DRC11: variants seen among roughly 807,000 people sequenced by gnomAD.
DRC11 encodes the protein dynein regulatory complex subunit 11.
the DRC11 span, among the ~76,000 whole-genome samples, chr2:236,326,336 T>C: frequency 6.6e-6 from 1 of 152,238 alleles, no homozygotes. Context: ...CTTCCATTAA[T>C]GAAGGTCAGT....
the DRC11 span, among the ~76,000 whole-genome samples, chr2:236,493,288 T>C: frequency 6.6e-6 from 1 of 152,168 alleles, no homozygotes; most frequent in Non-Finnish European, 1.5e-5. Flanking sequence ...CACATGGGAA[T>C]TGTGGGAGCT....
chr2:236,490,255 A>C, the DRC11 span, among the ~76,000 whole-genome samples: 2 of 152,236 alleles, frequency 1.3e-5, no homozygotes, highest in East Asian at 1.9e-4. The surrounding 1 kb of genome is among the most constrained non-coding windows in gnomAD (Gnocchi z 5.5). Context: ...TGACCACTTA[A>C]GAGTGAAGAC....
At chr2:236,486,075 C>T in the DRC11 span, among the ~76,000 whole-genome samples, 1 of 152,244 alleles carries the variant, frequency 6.6e-6, no homozygotes, top group East Asian at 1.9e-4. This position sits in a 1 kb window ranked among gnomAD's most constrained non-coding sequence, Gnocchi z 5.7. Flanking sequence ...CAGCCCCCCT[C>T]TCCCTGCTGG....
the DRC11 span, among the ~76,000 whole-genome samples, chr2:236,319,038 G>T: frequency 1.3e-5 from 2 of 152,194 alleles, no homozygotes; most frequent in Non-Finnish European, 2.9e-5. The surrounding 1 kb of genome is among the most constrained non-coding windows in gnomAD (Gnocchi z 6.7). Context: ...TGAGAAGAAG[G>T]GTAGTGGGAG....
the DRC11 span, chr2:236,408,936 C>A: frequency 1.5e-6 from 1 of 685,046 alleles, no homozygotes; most frequent in Non-Finnish European, 2.7e-6. The surrounding 1 kb of genome is among the most constrained non-coding windows in gnomAD (Gnocchi z 5.5). Context: ...AACCTTGTAT[C>A]CCAGGAAGGC....
At chr2:236,489,764 A>AT in the DRC11 span, among the ~76,000 whole-genome samples, 1 of 151,972 alleles carries the variant, frequency 6.6e-6, no homozygotes, top group East Asian at 1.9e-4. Flanking sequence ...CTCTAAAAAA[A>AT]TTTTTTTTAA....
At chr2:236,444,325 A>C in the DRC11 span, among the ~76,000 whole-genome samples, 1 of 152,256 alleles carries the variant, frequency 6.6e-6, no homozygotes, top group South Asian at 2.1e-4. Context: ...AGGCAGGTGT[A>C]TGGCAGTGAA....
At chr2:236,457,862 C>T in the DRC11 span, among the ~76,000 whole-genome samples, 1 of 152,282 alleles carries the variant, frequency 6.6e-6, no homozygotes, top group South Asian at 2.1e-4. This position sits in a 1 kb window ranked among gnomAD's most constrained non-coding sequence, Gnocchi z 4.7. Context: ...AGTCTCCTGA[C>T]CTGTGAACTG....
At chr2:236,462,665 T>C in the DRC11 span, among the ~76,000 whole-genome samples, 6 of 152,118 alleles carry the variant, frequency 3.9e-5, no homozygotes, top group Admixed American at 3.3e-4. This position sits in a 1 kb window ranked among gnomAD's most constrained non-coding sequence, Gnocchi z 6.4. Context: ...AGCGAGACCC[T>C]GCCTCAAAAA....
chr2:236,458,159 G>T, the DRC11 span, among the ~76,000 whole-genome samples: 4 of 152,284 alleles, frequency 2.6e-5, no homozygotes, highest in South Asian at 6.2e-4. Flanking sequence ...GGGAGTAGGA[G>T]GTAGGGCCGA....
the DRC11 span, among the ~76,000 whole-genome samples, chr2:236,353,293 T>C: frequency 6.6e-6 from 1 of 152,202 alleles, no homozygotes; most frequent in Non-Finnish European, 1.5e-5. The surrounding 1 kb of genome is among the most constrained non-coding windows in gnomAD (Gnocchi z 5.0). Flanking sequence ...TGTGTGTCAA[T>C]TATGAAATAA....
the DRC11 span, among the ~76,000 whole-genome samples, chr2:236,402,512 G>A: frequency 4.0e-4 from 61 of 152,356 alleles, no homozygotes; most frequent in Middle Eastern, 6.8e-3. The surrounding 1 kb of genome is among the most constrained non-coding windows in gnomAD (Gnocchi z 6.0). Context: ...GGGGAGGCCC[G>A]GGGTGCTCGG....
chr2:236,445,136 T>C, the DRC11 span, among the ~76,000 whole-genome samples: 184 of 152,330 alleles, frequency 1.2e-3, 1 homozygote, highest in African/African-American at 4.3e-3. This position sits in a 1 kb window ranked among gnomAD's most constrained non-coding sequence, Gnocchi z 4.8. Flanking sequence ...CATTGCATAA[T>C]TTTATTTTCG....
At chr2:236,400,634 ACT>A in the DRC11 span, among the ~76,000 whole-genome samples, 1 of 151,918 alleles carries the variant, frequency 6.6e-6, no homozygotes, top group Non-Finnish European at 1.5e-5. The surrounding 1 kb of genome is among the most constrained non-coding windows in gnomAD (Gnocchi z 7.9). Context: ...CAGGCTCAGT[ACT>A]CTCTATGCAG....
chr2:236,339,003 T>C, the DRC11 span, among the ~76,000 whole-genome samples: 1 of 152,150 alleles, frequency 6.6e-6, no homozygotes, highest in East Asian at 1.9e-4. Context: ...CATGTTGCCA[T>C]GGGCAACAGC....
chr2:236,452,402 G>A, the DRC11 span, among the ~76,000 whole-genome samples: 1 of 152,184 alleles, frequency 6.6e-6, no homozygotes, highest in African/African-American at 2.4e-5. This position sits in a 1 kb window ranked among gnomAD's most constrained non-coding sequence, Gnocchi z 4.7. Flanking sequence ...ATATGTGGAT[G>A]GAGGGGTTTC....
the DRC11 span, among the ~76,000 whole-genome samples, chr2:236,410,787 C>A: frequency 3.4e-5 from 5 of 148,950 alleles, no homozygotes; most frequent in South Asian, 2.1e-4. Context: ...GAAAAACAAG[C>A]AATGGGGAAA....
the DRC11 span, among the ~76,000 whole-genome samples, chr2:236,355,038 C>A: frequency 0.1 from 15,986 of 152,248 alleles, 1,528 homozygotes; most frequent in African/African-American, 0.25. Context: ...GTCTGAATTC[C>A]GAGAAGTTTC....
At chr2:236,343,515 C>A in the DRC11 span, among the ~76,000 whole-genome samples, 15 of 152,188 alleles carry the variant, frequency 9.9e-5, no homozygotes, top group African/African-American at 3.6e-4. The surrounding 1 kb of genome is among the most constrained non-coding windows in gnomAD (Gnocchi z 6.6). Flanking sequence ...GGCCTGAGTT[C>A]CAGGCCAGTG....
Sources: allele counts gnomAD v4.1 joint callset (sites outside exome capture counted in the v4.1 genomes callset), GRCh38; gene constraint gnomAD v4.1.1; non-coding constraint Gnocchi (gnomAD v3.1); transcripts MANE v1.5; gene names NCBI Gene and HGNC (gene_info 2026-07-23, HGNC 2026-07-21).